The following FAM168A variants were observed in gnomAD, a reference collection of about 807,000 sequenced individuals.
FAM168A encodes the protein protein FAM168A.
In FAM168A, 3 loss-of-function variants were observed where a neutral mutation model predicts 28.5. The observed-to-expected ratio is 0.11, with a 90% CI of 0.05 to 0.27. The LOEUF (loss-of-function observed/expected upper bound fraction) is 0.27, where lower values mean the gene tolerates loss of function less well. Among genes scored for constraint, FAM168A ranks in the 10% least tolerant of loss-of-function variants. The pLI, the probability that FAM168A is intolerant of heterozygous loss-of-function variation, is 1.00. For synonymous variants in FAM168A, 122 were observed against 124.2 expected (o/e 0.98, Z 0.12); for missense variants, 222 against 311.5 (o/e 0.71, Z 2.16).
chr11:73,563,286 G>A (rs555146492), intron 1 of FAM168A, among the ~76,000 whole-genome samples: 30 of 152,204 alleles, frequency 2.0e-4, no homozygotes, highest in African/African-American at 6.0e-4. Context: ...CAGCTCTCCC[G>A]TTTGTTAGCT....
intron 2 of FAM168A, among the ~76,000 whole-genome samples, chr11:73,444,574 C>A (rs1867264963): frequency 6.6e-6 from 1 of 152,132 alleles, no homozygotes; most frequent in African/African-American, 2.4e-5. Flanking sequence ...ACATTTTTGT[C>A]CCTCTTTAAA....
At chr11:73,536,653 C>T (rs1156970706) in intron 1 of FAM168A, among the ~76,000 whole-genome samples, 1 of 152,122 alleles carries the variant, frequency 6.6e-6, no homozygotes, top group Non-Finnish European at 1.5e-5. Flanking sequence ...TGCCATTGCA[C>T]TCCAGCCTGG....
In FAM168A at chr11:73,409,640, C is replaced by T. The variant is rs1391873190; in HGVS notation, c.442G>A (p.Val148Met). 1.9e-6 allele frequency: 3 copies of T among 1,610,290 alleles called. No individual in the cohort carries two copies. The highest frequency in any genetic ancestry group is 1.7e-5 in the Admixed American group (1 of 59,334). Residue 148 changes from valine (V) to methionine (M), a missense_variant, in exon 6 of 8, where the codon GTG (valine) becomes ATG (methionine). Around this residue, in one of 3 missense-constraint regions of FAM168A, gnomAD observed 153 missense variants for 189.2 expected, o/e 0.81. Transcript: ENST00000356467. ...YAQGAYYTQP[V>M]YAAQPHVIHH... ...ATGACATGAGGCTGGGCAGCATACA[C>T]CGGCTGTGTGTAGTAGGCTCCCTGG...
At chr11:73,587,755 C>G (rs1944332657) in intron 1 of FAM168A, among the ~76,000 whole-genome samples, 1 of 151,902 alleles carries the variant, frequency 6.6e-6, no homozygotes, top group Non-Finnish European at 1.5e-5. Context: ...ACATTTAAAG[C>G]ATTTTTTTTT....
intron 2 of FAM168A, among the ~76,000 whole-genome samples, chr11:73,463,271 T>C (rs1867681265): frequency 6.6e-6 from 1 of 152,178 alleles, no homozygotes. Context: ...CCAGCCAAGA[T>C]AGTACATGTG....
At chr11:73,529,664 A>C (rs1943491694) in intron 1 of FAM168A, among the ~76,000 whole-genome samples, 2 of 152,188 alleles carry the variant, frequency 1.3e-5, no homozygotes, top group Admixed American at 1.3e-4. Context: ...TTAAGAACAG[A>C]GCTTCTAGGG....
chr11:73,508,739 TAG>T (rs1445731631), intron 1 of FAM168A, among the ~76,000 whole-genome samples: 8 of 152,118 alleles, frequency 5.3e-5, no homozygotes, highest in African/African-American at 1.9e-4. Flanking sequence ...ACCTGCTCTA[TAG>T]GATGACAGGG....
intron 1 of FAM168A, among the ~76,000 whole-genome samples, chr11:73,507,137 C>T (rs1590822055): frequency 6.6e-6 from 1 of 152,164 alleles, no homozygotes; most frequent in East Asian, 1.9e-4. Flanking sequence ...CTGAACTACT[C>T]AGTTAGAGAC....
chr11:73,438,890 A>G (rs1414751937), intron 2 of FAM168A, among the ~76,000 whole-genome samples: 3 of 151,984 alleles, frequency 2.0e-5, no homozygotes, highest in Non-Finnish European at 4.4e-5. Context: ...GTGGGCTAAG[A>G]AGCTACAAAG....
rs117292463 is a variant in FAM168A, at chr11:73,455,764, C to T, written c.70+12641G>A. Among the ~76,000 whole-genome samples the T allele has an allele frequency of 4.3e-3, 657 of 152,322 alleles. 1 individual carries two copies. The highest frequency in any genetic ancestry group is 0.014 in the Middle Eastern group (4 of 294). On this transcript the variant is annotated intron_variant, in intron 2 of 7. Transcript: ENST00000356467. ...CAGTCATTTAGGCCCCCTCCTATGG[C>T]AGTAGAATCCTTCTCACCTGGATGC...
At chr11:73,503,217 G>A (rs577900945) in intron 1 of FAM168A, among the ~76,000 whole-genome samples, 21 of 152,170 alleles carry the variant, frequency 1.4e-4, no homozygotes, top group Admixed American at 5.9e-4. Flanking sequence ...AGTTGTCTCT[G>A]TTTGAAGACA....
At chr11:73,413,005 T>C (rs1455820546) in intron 4 of FAM168A, among the ~76,000 whole-genome samples, 1 of 152,226 alleles carries the variant, frequency 6.6e-6, no homozygotes, top group Non-Finnish European at 1.5e-5. Flanking sequence ...GTTTCTTATT[T>C]TGTAAAATCA....
chr11:73,533,210 T>G (rs903030403), intron 1 of FAM168A, among the ~76,000 whole-genome samples: 2 of 152,210 alleles, frequency 1.3e-5, no homozygotes, highest in Non-Finnish European at 2.9e-5. Context: ...CCTTATAGAA[T>G]CATTATGAAG....
At chr11:73,429,072 G>C (rs1866938717) in intron 3 of FAM168A, among the ~76,000 whole-genome samples, 1 of 152,184 alleles carries the variant, frequency 6.6e-6, no homozygotes, top group South Asian at 2.1e-4. Context: ...TTCCTACTTA[G>C]AGATGGGGGA....
chr11:73,522,342 C>T lies in FAM168A; in HGVS notation c.-18-53850G>A, dbSNP rs182829041. ...TTTTTTTTGTTTGTTTGTTTTGAGACGGAGTCTCGTTCTGTCGCCCAGGCT... is the reference window on the plus strand; with the variant it reads ...TTTTTTTTGTTTGTTTGTTTTGAGATGGAGTCTCGTTCTGTCGCCCAGGCT... On this transcript the variant is annotated intron_variant, in intron 1 of 7. Transcript: ENST00000356467. Among the ~76,000 whole-genome samples the T allele has an allele frequency of 5.3e-5, 8 of 152,092 alleles. No individual in the cohort carries two copies. The East Asian group carries it at 1.2e-3, about 22-fold the overall frequency.
chr11:73,430,436 AG>A, intron 3 of FAM168A: 1 of 424,276 alleles, frequency 2.4e-6, no homozygotes, highest in Non-Finnish European at 4.4e-6. Context: ...AGGAGGATGC[AG>A]GTCTCAGACA....
chr11:73,418,384 C>A (rs1045205148), intron 4 of FAM168A, among the ~76,000 whole-genome samples: 5 of 152,180 alleles, frequency 3.3e-5, no homozygotes, highest in Non-Finnish European at 7.3e-5. Flanking sequence ...GATATGCTGG[C>A]TTCCTCTTTT....
intron 2 of FAM168A, among the ~76,000 whole-genome samples, chr11:73,454,610 ATC>A (rs57616261): frequency 0.039 from 5,910 of 152,220 alleles, 395 homozygotes; most frequent in African/African-American, 0.14. Flanking sequence ...GAGAACTTAT[ATC>A]TCTGTTTTCC....
rs543859121 is a variant in FAM168A at position 73,560,791 on chromosome 11, C to T, written c.-19+37132G>A. Among the ~76,000 whole-genome samples the T allele has an allele frequency of 7.9e-5, 12 of 152,268 alleles. No homozygotes were observed. The South Asian group carries it at 1.2e-3, about 16-fold the overall frequency. On this transcript the variant is annotated intron_variant, in intron 1 of 7. Transcript: ENST00000356467. ...TAAAACTAAACATGCAGCCAGGCATCGCTGCTCACACTTGTAATCCCAGCA... is the reference window on the plus strand; with the variant it reads ...TAAAACTAAACATGCAGCCAGGCATTGCTGCTCACACTTGTAATCCCAGCA...
Sources: allele counts gnomAD v4.1 joint callset (sites outside exome capture counted in the v4.1 genomes callset), GRCh38; gene constraint gnomAD v4.1.1; regional missense constraint gnomAD v4.1.1; transcripts MANE v1.5; gene names NCBI Gene and HGNC (gene_info 2026-07-23, HGNC 2026-07-21).